FAM120C: variants seen among roughly 807,000 people sequenced by gnomAD.
FAM120C encodes constitutive coactivator of PPAR-gamma-like protein 2.
Under a neutral mutation model 71.2 loss-of-function variants are expected in FAM120C, and 14 were observed. The observed-to-expected ratio is 0.20, with a 90% CI of 0.13 to 0.31. The LOEUF is 0.31. Ranked by LOEUF, FAM120C falls within the 10% of genes least tolerant of loss-of-function variation. FAM120C has a pLI of 1.00. For synonymous variants in FAM120C, 354 were observed against 353.2 expected, an observed-to-expected ratio of 1.00 and a Z score of -0.03; for missense variants, 500 against 879.0, an observed-to-expected ratio of 0.57 and a Z score of 5.45.
At chrX:54,106,454 A>C (rs1238174865) in intron 10 of FAM120C, among the ~76,000 whole-genome samples, 4 of 112,141 alleles carry the variant, frequency 3.6e-5, no homozygotes, top group African/African-American at 1.3e-4. Context: ...AACCATAAAA[A>C]CCCTAGAAGA....
chrX:54,118,421 A>G (rs781822286), intron 9 of FAM120C, among the ~76,000 whole-genome samples: 1 of 110,650 alleles, frequency 9.0e-6, no homozygotes, highest in African/African-American at 3.3e-5. Flanking sequence ...TGTCTTGTGA[A>G]TATGTTCCTG....
chrX:54,131,330 G>A (rs957587270), intron 9 of FAM120C, among the ~76,000 whole-genome samples: 2 of 110,643 alleles, frequency 1.8e-5, no homozygotes, highest in Admixed American at 9.6e-5. Flanking sequence ...GTGCAGTGGC[G>A]CGATCACAGC....
chrX:54,080,303 GAA>G lies in FAM120C; in HGVS notation c.2979-16_2979-15del. 8.5e-7 allele frequency: 1 copy of G among 1,181,599 alleles called. No homozygotes were observed. Among genetic ancestry groups the G allele is most frequent in the East Asian group, 3.0e-5 (1 of 33,695 alleles). On this transcript the variant is annotated splice_polypyrimidine_tract_variant and intron_variant, in intron 14 of 15. Transcript: ENST00000375180. ...TCTTTTCCATGCCTTTAGCAAGTGAGAAAAAAAGTGATCATGAGAAACATAAA... is the reference window on the plus strand; with the variant it reads ...TCTTTTCCATGCCTTTAGCAAGTGAGAAAAAGTGATCATGAGAAACATAAA...
At chrX:54,182,090 T>C (rs1285550213) in intron 1 of FAM120C, among the ~76,000 whole-genome samples, 1 of 111,474 alleles carries the variant, frequency 9.0e-6, no homozygotes, top group Non-Finnish European at 1.9e-5. Context: ...TACTGCGAGG[T>C]TGGAAAGAGA....
chrX:54,116,521 C>A (rs1229834235), intron 10 of FAM120C, 24 bp downstream of exon 10: 1 of 1,193,308 alleles, frequency 8.4e-7, no homozygotes, highest in Non-Finnish European at 1.1e-6. Context: ...AAAGAACAGG[C>A]CACCTGCCTG....
chrX:54,103,612 C>T (rs147935871), intron 10 of FAM120C, among the ~76,000 whole-genome samples: 2 of 111,425 alleles, frequency 1.8e-5, no homozygotes, highest in Non-Finnish European at 3.8e-5. Flanking sequence ...CTTTCTTTAG[C>T]GTATTTTAAG....
chrX:54,178,238 A>G (rs1199181014), intron 1 of FAM120C, among the ~76,000 whole-genome samples: 1 of 112,311 alleles, frequency 8.9e-6, no homozygotes, highest in Non-Finnish European at 1.9e-5. Context: ...TTGAATTCCT[A>G]TAACATCACT....
intron 3 of FAM120C, among the ~76,000 whole-genome samples, chrX:54,153,412 T>A (rs1557133260): frequency 1.9e-5 from 2 of 107,121 alleles, no homozygotes; most frequent in African/African-American, 3.4e-5. Flanking sequence ...ATAATATATT[T>A]TTTTTTTTTT....
intron 11 of FAM120C, among the ~76,000 whole-genome samples, chrX:54,090,104 A>G (rs1464177445): frequency 9.0e-6 from 1 of 111,259 alleles, no homozygotes; most frequent in Non-Finnish European, 1.9e-5. Flanking sequence ...GATGGAACCT[A>G]GTAGGAGGTG....
At chrX:54,075,472 C>T (rs2066730122) in intron 15 of FAM120C, among the ~76,000 whole-genome samples, 1 of 111,846 alleles carries the variant, frequency 8.9e-6, no homozygotes, top group Non-Finnish European at 1.9e-5. Context: ...TCACCAAATA[C>T]ATCAAAACAT....
At chrX:54,103,753 CT>C (rs1159568638) in intron 10 of FAM120C, among the ~76,000 whole-genome samples, 1 of 23,890 alleles carries the variant, frequency 4.2e-5, no homozygotes, top group Non-Finnish European at 8.6e-5. Flanking sequence ...TCCAAAACAC[CT>C]CTTTTTTTTT....
chrX:54,071,201 A>T lies in FAM120C; in HGVS notation c.*1832T>A, dbSNP rs186126946. ...ATTGCAAGCCATGTTTCCCTCCCTC[A>T]TAGTTAGGCTGCCCAAGGAGGGAAA... On this transcript the variant is annotated 3_prime_UTR_variant, in exon 16 of 16. Transcript: ENST00000375180. The T allele has an allele frequency of 1.8e-5, 2 of 112,205 alleles. No individual in the cohort carries two copies. The highest frequency in any genetic ancestry group is 6.5e-5 in the African/African-American group (2 of 30,970). The allele number at this position is 112,205 out of a possible 1,213,427, so 9.2% of individuals were successfully genotyped here.
intron 10 of FAM120C, among the ~76,000 whole-genome samples, chrX:54,113,317 G>A (rs1207132919): frequency 9.4e-6 from 1 of 105,961 alleles, no homozygotes; most frequent in Non-Finnish European, 1.9e-5. Flanking sequence ...AAAATTAGCC[G>A]GGCGTGGTGG....
rs1557121256 is a variant in FAM120C, at chrX:54,081,316, A to T, written c.2978+6T>A. The T allele has an allele frequency of 1.7e-6, 2 of 1,206,373 alleles. No individual in the cohort carries two copies. Among genetic ancestry groups the T allele is most frequent in the Non-Finnish European group, 2.2e-6 (2 of 892,636 alleles). On this transcript the variant is annotated splice_donor_region_variant and intron_variant, in intron 14 of 15. Transcript: ENST00000375180. ...CTAGCTCATATCAACCTATTTGGGT[A>T]CATACCCCTTTCCTGGCCCACCGAC...
intron 11 of FAM120C, among the ~76,000 whole-genome samples, chrX:54,088,754 A>G (rs1401620832): frequency 1.3e-4 from 14 of 110,613 alleles, no homozygotes; most frequent in African/African-American, 4.6e-4. Context: ...GAACCAAAGA[A>G]AATTCTTTTC....
intron 11 of FAM120C, among the ~76,000 whole-genome samples, chrX:54,088,411 G>T (rs1269592349): frequency 9.2e-6 from 1 of 108,720 alleles, no homozygotes; most frequent in African/African-American, 3.3e-5. Flanking sequence ...GGCCAACATG[G>T]TGAAGCCCCG....
At chrX:54,103,275 G>A (rs1603354046) in intron 10 of FAM120C, among the ~76,000 whole-genome samples, 1 of 110,051 alleles carries the variant, frequency 9.1e-6, no homozygotes, top group African/African-American at 3.3e-5. Context: ...CTATATCTCA[G>A]GCAACTGAGG....
chrX:54,133,687 C>A, intron 8 of FAM120C, 86 bp downstream of exon 8: 1 of 1,027,458 alleles, frequency 9.7e-7, no homozygotes, highest in Non-Finnish European at 1.3e-6. Flanking sequence ...TACCAGTGAC[C>A]AGAATGTTCT....
chrX:54,142,628 G>GCTGCCTGCCTGCCTGCCTGCCTGCCT (rs2067131837), intron 4 of FAM120C, among the ~76,000 whole-genome samples: 1 of 112,112 alleles, frequency 8.9e-6, no homozygotes, highest in Non-Finnish European at 1.9e-5. Flanking sequence ...AGCTCAAGGA[G>GCTGCCTGCCTGCCTGCCTGCCTGCCT]GACTGCCTGC....
Sources: gnomAD v4.1 joint callset for allele counts (sites outside exome capture counted in the v4.1 genomes callset) on GRCh38, gnomAD v4.1.1 for gene constraint, MANE v1.5 for transcripts, NCBI Gene and HGNC (gene_info 2026-07-23, HGNC 2026-07-21) for gene names.